Variants in CDH8 observed in about 807,000 individuals in gnomAD.
CDH8 encodes cadherin-8.
Under a neutral mutation model 68.1 loss-of-function variants are expected in CDH8, and 17 were observed. The observed-to-expected ratio is 0.25, with a 90% CI of 0.17 to 0.37. The LOEUF is 0.37. Among genes scored for constraint, CDH8 ranks in the 10% least tolerant of loss-of-function variants. CDH8 has a pLI of 1.00. For missense variants in CDH8, 763 were observed against 999.3 expected (o/e 0.76, Z 3.19); for synonymous variants, 372 against 365.1 (o/e 1.02, Z -0.21).
intron 2 of CDH8, among the ~76,000 whole-genome samples, chr16:61,915,447 G>A (rs1964223758): frequency 2.0e-5 from 3 of 152,156 alleles, no homozygotes; most frequent in Admixed American, 2.0e-4. Context: ...AATATCACAT[G>A]TAGCAAGTGA....
chr16:61,776,340 T>C (rs1960898861), intron 8 of CDH8, among the ~76,000 whole-genome samples: 1 of 152,150 alleles, frequency 6.6e-6, no homozygotes, highest in Non-Finnish European at 1.5e-5. Context: ...TTTGACTTCA[T>C]AGCTTATGTC....
intron 2 of CDH8, among the ~76,000 whole-genome samples, chr16:61,988,043 G>A (rs978342535): frequency 1.3e-5 from 2 of 152,068 alleles, no homozygotes; most frequent in African/African-American, 2.4e-5. Flanking sequence ...TACTCTTAGA[G>A]AATAAAATTT....
At chr16:61,944,372 A>C (rs1964769172) in intron 2 of CDH8, among the ~76,000 whole-genome samples, 1 of 150,938 alleles carries the variant, frequency 6.6e-6, no homozygotes, top group African/African-American at 2.4e-5. Flanking sequence ...CGTTTAACAG[A>C]AAAAATATAC....
At chr16:61,762,311 T>C (rs1812545478) in intron 8 of CDH8, among the ~76,000 whole-genome samples, 1 of 152,220 alleles carries the variant, frequency 6.6e-6, no homozygotes, top group South Asian at 2.1e-4. Context: ...TATATAGTTT[T>C]GTAAGATTGT....
intron 2 of CDH8, among the ~76,000 whole-genome samples, chr16:61,907,916 G>A (rs1964090063): frequency 6.6e-6 from 1 of 151,898 alleles, no homozygotes; most frequent in South Asian, 2.1e-4. Flanking sequence ...GGTGGCTGGT[G>A]CCTGTAGTCC....
intron 10 of CDH8, among the ~76,000 whole-genome samples, chr16:61,690,610 T>C (rs1964200340): frequency 6.6e-6 from 1 of 151,968 alleles, no homozygotes; most frequent in African/African-American, 2.4e-5. Context: ...ATTAAACTTT[T>C]GAAATAAATC....
At chr16:61,655,264 C>T (rs900119910) in intron 11 of CDH8, among the ~76,000 whole-genome samples, 6 of 152,190 alleles carry the variant, frequency 3.9e-5, no homozygotes, top group African/African-American at 1.4e-4. Flanking sequence ...GAAAAAGGCA[C>T]TGAAAGTCCT....
At chr16:61,898,689 G>A (rs554615269) in intron 3 of CDH8, among the ~76,000 whole-genome samples, 3 of 152,092 alleles carry the variant, frequency 2.0e-5, no homozygotes, top group African/African-American at 4.8e-5. Context: ...GAGAGTGGTC[G>A]AAAGAAAGAA....
chr16:61,972,844 G>T (rs1443937926), intron 2 of CDH8, among the ~76,000 whole-genome samples: 1 of 152,102 alleles, frequency 6.6e-6, no homozygotes, highest in Non-Finnish European at 1.5e-5. Flanking sequence ...AAAAGAAGCA[G>T]TCTGCATAAT....
intron 4 of CDH8, among the ~76,000 whole-genome samples, chr16:61,847,615 T>C (rs1489965883): frequency 2.0e-5 from 3 of 149,950 alleles, no homozygotes; most frequent in Non-Finnish European, 4.4e-5. Context: ...TGGAAACTTA[T>C]GATGTTTAAC....
intron 2 of CDH8, among the ~76,000 whole-genome samples, chr16:61,908,791 C>T (rs1032691826): frequency 5.9e-5 from 9 of 152,098 alleles, no homozygotes; most frequent in African/African-American, 1.2e-4. Flanking sequence ...ATCTTTCATT[C>T]GGTCCTTCCA....
chr16:61,936,387 A>G (rs1964627336), intron 2 of CDH8, among the ~76,000 whole-genome samples: 1 of 152,196 alleles, frequency 6.6e-6, no homozygotes, highest in Non-Finnish European at 1.5e-5. Flanking sequence ...TAATACTGCC[A>G]AACAACCATG....
chr16:61,958,367 G>A (rs545151353), intron 2 of CDH8, among the ~76,000 whole-genome samples: 8 of 152,316 alleles, frequency 5.3e-5, no homozygotes, highest in Non-Finnish European at 1.2e-4. Context: ...ATGATGATAT[G>A]TGGGAAAGCA....
rs1444225241 is a variant in CDH8, at chr16:61,649,592, T to G, written c.*4016A>C. The stretch of plus-strand genomic sequence containing the variant: ...CAGTCATGCTCAGCCTTTCCGACAG[T>G]GCCAGTGATGGGATTTTTTTGAAAT... On this transcript the variant is annotated 3_prime_UTR_variant, in exon 12 of 12. Transcript: ENST00000577390. The G allele has an allele frequency of 6.6e-6, 1 of 151,960 alleles. No individual in the cohort carries two copies. Among genetic ancestry groups the G allele is most frequent in the Non-Finnish European group, 1.5e-5 (1 of 67,980 alleles). The allele number at this position is 151,960 out of a possible 1,614,324, so 9.4% of individuals were successfully genotyped here.
intron 2 of CDH8, among the ~76,000 whole-genome samples, chr16:61,936,563 A>G (rs770232025): frequency 7.2e-5 from 11 of 152,204 alleles, no homozygotes; most frequent in Non-Finnish European, 1.3e-4. Context: ...GGAGATGGCA[A>G]CATGCCACCC....
intron 8 of CDH8, among the ~76,000 whole-genome samples, chr16:61,737,830 T>C (rs1447364121): frequency 6.6e-6 from 1 of 152,116 alleles, no homozygotes; most frequent in Non-Finnish European, 1.5e-5. Context: ...ATCAAATACT[T>C]ATCAAAAAAT....
chr16:61,958,481 C>G (rs1271364584), intron 2 of CDH8, among the ~76,000 whole-genome samples: 3 of 152,026 alleles, frequency 2.0e-5, no homozygotes, highest in Non-Finnish European at 4.4e-5. Flanking sequence ...TTAGGTCAAC[C>G]CTTGTCAATT....
At chr16:61,763,378 C>G (rs28505993) in intron 8 of CDH8, among the ~76,000 whole-genome samples, 23,895 of 152,068 alleles carry the variant, frequency 0.16, 3,055 homozygotes, top group African/African-American at 0.35. Context: ...ATCTACCACC[C>G]TAGGATTTTC....
chr16:61,753,783 A>G lies in CDH8; in HGVS notation c.1415-26568T>C, dbSNP rs553820589. ...GGGGCCAAAATTGAGCCAAAGAATT[A>G]ATATGTACCATGTCAGAAACAAAAA... On this transcript the variant is annotated intron_variant, in intron 8 of 11. Coordinates refer to ENST00000577390, the MANE Select transcript of CDH8 (RefSeq NM_001796.5). Among the ~76,000 whole-genome samples the G allele has an allele frequency of 1.4e-4, 22 of 152,296 alleles. 1 individual carries two copies. Among genetic ancestry groups the G allele is most frequent in the African/African-American group, 4.8e-4 (20 of 41,578 alleles).
Sources: gnomAD v4.1 joint callset for allele counts (sites outside exome capture counted in the v4.1 genomes callset) on GRCh38, gnomAD v4.1.1 for gene constraint, MANE v1.5 for transcripts, NCBI Gene and HGNC (gene_info 2026-07-23, HGNC 2026-07-21) for gene names.